The following SLCO1A2 variants were observed in gnomAD, a reference collection of about 807,000 sequenced individuals.
The protein encoded by SLCO1A2 is solute carrier organic anion transporter family member 1A2, also known as OATP-1.
In SLCO1A2, 67 loss-of-function variants were observed where a neutral mutation model predicts 69.0. The ratio of observed to expected loss-of-function variants is 0.97; its 90% CI spans 0.80 to 1.19. The LOEUF (loss-of-function observed/expected upper bound fraction) is 1.19, where lower values mean the gene tolerates loss of function less well. Among genes scored for constraint, SLCO1A2 ranks in the 50% most tolerant of loss-of-function variants. The pLI, the probability that SLCO1A2 is intolerant of heterozygous loss-of-function variation, is 0.00. For synonymous variants in SLCO1A2, 260 were observed against 265.9 expected, an observed-to-expected ratio of 0.98 and a Z score of 0.22; for missense variants, 787 against 793.7, an observed-to-expected ratio of 0.99 and a Z score of 0.10.
intron 2 of SLCO1A2, among the ~76,000 whole-genome samples, chr12:21,371,892 C>T (rs1215887563): frequency 1.3e-5 from 2 of 151,934 alleles, no homozygotes; most frequent in African/African-American, 4.8e-5. Context: ...ATCCCAGCTA[C>T]TCTGTAGGCT....
intron 4 of SLCO1A2, among the ~76,000 whole-genome samples, chr12:21,313,038 A>G (rs1346639418): frequency 6.6e-6 from 1 of 152,212 alleles, no homozygotes; most frequent in African/African-American, 2.4e-5. Flanking sequence ...AGTGAGTGAG[A>G]TCGCACCACT....
intron 8 of SLCO1A2, among the ~76,000 whole-genome samples, chr12:21,299,793 C>T (rs757957402): frequency 0.22 from 24,870 of 113,456 alleles, 3,033 homozygotes; most frequent in Non-Finnish European, 0.27. Context: ...TATATATACA[C>T]ACACACGTAT....
At chr12:21,344,622 G>T (rs116877313) in intron 2 of SLCO1A2, among the ~76,000 whole-genome samples, 3 of 151,980 alleles carry the variant, frequency 2.0e-5, no homozygotes, top group Non-Finnish European at 2.9e-5. Context: ...GACGTTTTAG[G>T]ACTCTTCATA....
Position 21,321,815 on chromosome 12 carries a change from C to A in SLCO1A2, c.61-2892G>T, listed in dbSNP as rs80198288. On this transcript the variant is annotated intron_variant, in intron 2 of 14. Transcript: ENST00000683939. ...TCTGTGCTCCCCAGGTAAGCCCTAA[C>A]CATTCATTCATTCTTTATCTTCCCA... Among the ~76,000 whole-genome samples, 237 of 152,308 alleles carry A rather than the reference C, an allele frequency of 1.6e-3. 2 individuals are homozygous for A. The highest frequency in any genetic ancestry group is 5.6e-3 in the African/African-American group (231 of 41,546).
At chr12:21,399,799 G>C (rs1392131354), upstream of SLCO1A2, among the ~76,000 whole-genome samples, 8 of 138,064 alleles carry the variant, frequency 5.8e-5, no homozygotes, top group African/African-American at 1.1e-4. Flanking sequence ...TTAATAAATG[G>C]TGCTGGGAAA....
chr12:21,275,145 T>G (rs12303996), intron 13 of SLCO1A2: 7 of 863,256 alleles, frequency 8.1e-6, no homozygotes, highest in Non-Finnish European at 1.0e-5. Flanking sequence ...CACCAGGGCC[T>G]GTTGTGGGGT....
upstream of SLCO1A2, among the ~76,000 whole-genome samples, chr12:21,337,440 T>C (rs1952930322): frequency 6.6e-6 from 1 of 151,938 alleles, no homozygotes; most frequent in Admixed American, 6.6e-5. Flanking sequence ...CATTATTCTC[T>C]ACTCTCAAAT....
chr12:21,289,499 T>G (rs1196294333), intron 12 of SLCO1A2, among the ~76,000 whole-genome samples: 2 of 152,030 alleles, frequency 1.3e-5, no homozygotes. Context: ...GTGGGATGTG[T>G]GTGCTGAAGA....
chr12:21,408,426 C>T lies in SLCO1A2; in HGVS notation c.-312+9456G>A, dbSNP rs116006393. ...GAGTCCTTTAAGTTGTCACTGTTGA[C>T]CCTCACTCTACTCCCAATATTCAAT... On this transcript the variant is annotated intron_variant, in intron 1 of 4. Coordinates refer to the SLCO1A2 transcript ENST00000413682. 3.6e-3 allele frequency among the ~76,000 whole-genome samples: 547 copies of T among 152,120 alleles called. 7 individuals are homozygous for T. The highest frequency in any genetic ancestry group is 0.013 in the African/African-American group (532 of 41,486).
chr12:21,345,079 GAAGCT>G (rs1565509461), intron 2 of SLCO1A2, among the ~76,000 whole-genome samples: 1 of 151,788 alleles, frequency 6.6e-6, no homozygotes, highest in Non-Finnish European at 1.5e-5. Flanking sequence ...CACAATAAAA[GAAGCT>G]GGTTAATTTT....
rs188669030 is a variant in SLCO1A2, at chr12:21,289,600, A to C, written c.1610+2564T>G. ...CATGCCAGGAGAGTGGCACACCCCA[A>C]CTCCACCCTGGTTTCCATTTGTGTC... On this transcript the variant is annotated intron_variant, in intron 12 of 14. Transcript: ENST00000683939. 2.0e-5 allele frequency among the ~76,000 whole-genome samples: 3 copies of C among 152,046 alleles called. No homozygotes were observed. In the East Asian group the frequency reaches 5.8e-4, roughly 29 times the overall value.
intron 2 of SLCO1A2, among the ~76,000 whole-genome samples, chr12:21,346,740 T>G (rs1208303808): frequency 6.6e-6 from 1 of 152,218 alleles, no homozygotes; most frequent in African/African-American, 2.4e-5. Context: ...ACTGAGACTG[T>G]CTGCTCTACT....
chr12:21,320,129 T>C (rs1272250362), intron 2 of SLCO1A2, among the ~76,000 whole-genome samples: 1 of 152,162 alleles, frequency 6.6e-6, no homozygotes, highest in African/African-American at 2.4e-5. Context: ...ACTATTTACC[T>C]AGCACACTCA....
At chr12:21,317,327 A>G (rs1951008464) in intron 3 of SLCO1A2, among the ~76,000 whole-genome samples, 1 of 152,164 alleles carries the variant, frequency 6.6e-6, no homozygotes, top group South Asian at 2.1e-4. Context: ...AGCCAATATT[A>G]TCAAGCTGAA....
In SLCO1A2 at chr12:21,300,451, T is replaced by G; in HGVS notation, c.807A>C (p.Thr269=). 6.2e-7 allele frequency: 1 copy of G among 1,613,646 alleles called. No homozygotes were observed. Among genetic ancestry groups the G allele is most frequent in the East Asian group, 2.2e-5 (1 of 44,846 alleles). Residue 269 remains threonine (T), a synonymous_variant, in exon 8 of 15, where the codon ACA becomes ACC. Coordinates refer to ENST00000683939, the MANE Select transcript of SLCO1A2 (RefSeq NM_001386879.1). ...TAGTCTCTAGTCCTTCCTTTGGAAG[T>G]GTGTTGGGCAAAAAGAAAAAAGGAA... The part of the protein sequence containing the change: ...TAIPFFFLPN[T]LPKEGLETNA...
chr12:21,319,671 T>A (rs369542573), intron 2 of SLCO1A2: 2 of 341,372 alleles, frequency 5.9e-6, no homozygotes, highest in African/African-American at 4.3e-5. Context: ...ACCTGGACCA[T>A]TGGCTTCTGT....
At chr12:21,287,220 CA>C (rs1468413598) in intron 12 of SLCO1A2, among the ~76,000 whole-genome samples, 6 of 147,854 alleles carry the variant, frequency 4.1e-5, no homozygotes, top group African/African-American at 1.5e-4. Flanking sequence ...AGACACTTCT[CA>C]AAAGAAGACA....
At chr12:21,348,808 C>T in intron 2 of SLCO1A2, among the ~76,000 whole-genome samples, 1 of 152,156 alleles carries the variant, frequency 6.6e-6, no homozygotes, top group Non-Finnish European at 1.5e-5. Context: ...ATTTTTAGGG[C>T]AGTGCAGCTA....
intron 2 of SLCO1A2, among the ~76,000 whole-genome samples, chr12:21,342,488 AT>A (rs1953102453): frequency 6.6e-6 from 1 of 152,050 alleles, no homozygotes; most frequent in African/African-American, 2.4e-5. Context: ...GCTTCCTCTT[AT>A]TTTAACAAAT....
Sources: gnomAD v4.1 joint callset for allele counts (sites outside exome capture counted in the v4.1 genomes callset) on GRCh38, gnomAD v4.1.1 for gene constraint, MANE v1.5 for transcripts, NCBI Gene and HGNC (gene_info 2026-07-23, HGNC 2026-07-21) for gene names.